Variants in ATG7 observed in about 807,000 individuals in gnomAD.
The protein encoded by ATG7 is autophagy related 7.
In ATG7, 70 loss-of-function variants were observed where a neutral mutation model predicts 82.4. That is an observed-to-expected ratio of 0.85 (90% CI 0.70 to 1.04). ATG7 has a LOEUF of 1.04. Ranked by LOEUF, ATG7 falls within the 50% of genes least tolerant of loss-of-function variation. The pLI, the probability that ATG7 is intolerant of heterozygous loss-of-function variation, is 0.00. For synonymous variants in ATG7, 287 were observed against 313.0 expected (o/e 0.92, Z 0.88); for missense variants, 792 against 864.3 (o/e 0.92, Z 1.05).
At chr3:11,476,895 G>T (rs374337018) in intron 20 of ATG7, among the ~76,000 whole-genome samples, 1 of 152,098 alleles carries the variant, frequency 6.6e-6, no homozygotes, top group African/African-American at 2.4e-5. Context: ...TGGATTAAAG[G>T]CTTCTTTTAA....
intron 20 of ATG7, among the ~76,000 whole-genome samples, chr3:11,444,936 C>T (rs1175353780): frequency 2.6e-5 from 4 of 151,996 alleles, no homozygotes; most frequent in Non-Finnish European, 5.9e-5. Context: ...ATACATGTGG[C>T]GAAAAAGCAT....
chr3:11,284,403 TC>T (rs1943591020), intron 3 of ATG7, among the ~76,000 whole-genome samples: 1 of 152,224 alleles, frequency 6.6e-6, no homozygotes, highest in South Asian at 2.1e-4. Context: ...GGAAATGATT[TC>T]TCATTTAGGC....
At chr3:11,388,736 C>CT (rs1187172748) in intron 19 of ATG7, among the ~76,000 whole-genome samples, 1 of 151,734 alleles carries the variant, frequency 6.6e-6, no homozygotes, top group South Asian at 2.1e-4. Flanking sequence ...CCCCTTCTTT[C>CT]TTTTTTTTAT....
intron 20 of ATG7, among the ~76,000 whole-genome samples, chr3:11,532,559 C>G (rs1380551408): frequency 2.0e-5 from 3 of 152,084 alleles, no homozygotes; most frequent in African/African-American, 7.2e-5. Flanking sequence ...CCTGTCCGTT[C>G]ATAAAATTCA....
At chr3:11,477,156 G>A in intron 20 of ATG7, 1 of 1,289,800 alleles carries the variant, frequency 7.8e-7, no homozygotes, top group Non-Finnish European at 1.0e-6. Context: ...CTTCGGCTCT[G>A]GATGAAGCAG....
intron 9 of ATG7, among the ~76,000 whole-genome samples, chr3:11,322,746 AT>A (rs1950373215): frequency 6.6e-6 from 1 of 151,996 alleles, no homozygotes; most frequent in South Asian, 2.1e-4. Flanking sequence ...TCCTCTCCTT[AT>A]CCCCTGTAGT....
At chr3:11,348,116 G>A in intron 14 of ATG7, 81 bp downstream of exon 14, 6 of 1,496,588 alleles carry the variant, frequency 4.0e-6, no homozygotes, top group Non-Finnish European at 5.4e-6. Context: ...TGGCATTGAA[G>A]AAAGAGAGTC....
intron 19 of ATG7, among the ~76,000 whole-genome samples, chr3:11,408,180 C>G (rs750709546): frequency 2.0e-5 from 3 of 152,192 alleles, no homozygotes; most frequent in African/African-American, 7.2e-5. Context: ...CTCTCAAGTT[C>G]AAAGTTCCAC....
At chr3:11,341,938 C>T (rs925607887) in intron 12 of ATG7, among the ~76,000 whole-genome samples, 197 bp from the exon 13 acceptor site, 6 of 152,156 alleles carry the variant, frequency 3.9e-5, no homozygotes, top group African/African-American at 7.2e-5. Context: ...GTGGCCCCCT[C>T]GTTGCAGAGG....
intron 19 of ATG7, among the ~76,000 whole-genome samples, chr3:11,396,789 A>C (rs2079321212): frequency 1.4e-5 from 2 of 142,956 alleles, no homozygotes; most frequent in Admixed American, 1.4e-4. Context: ...CTCCAAAAAA[A>C]AAAAAAAAGA....
At chr3:11,458,420 C>T (rs909985335) in intron 20 of ATG7, among the ~76,000 whole-genome samples, 24 of 152,214 alleles carry the variant, frequency 1.6e-4, no homozygotes, top group Middle Eastern at 3.4e-3. Flanking sequence ...CCCACCACCA[C>T]GCCCGGCTAA....
chr3:11,302,027 A>G (rs954225058), intron 5 of ATG7, among the ~76,000 whole-genome samples: 2 of 152,246 alleles, frequency 1.3e-5, no homozygotes, highest in African/African-American at 4.8e-5. Flanking sequence ...TGACTTTCAC[A>G]CAAATTGCTC....
chr3:11,557,084 G>C lies in ATG7; in HGVS notation c.*2241G>C, dbSNP rs924827471. ...CCACGTCACCTGGTCAGGTGCCATC[G>C]TCGTGAGCCTCTGGTGGGCCAGGTG... On this transcript the variant is annotated 3_prime_UTR_variant, in exon 21 of 21. Coordinates refer to ENST00000693202, the MANE Select transcript of ATG7 (RefSeq NM_001349232.2). 6.6e-6 allele frequency: 1 copy of C among 152,482 alleles called. No individual in the cohort carries two copies. Among genetic ancestry groups the C allele is most frequent in the African/African-American group, 2.4e-5 (1 of 41,430 alleles). The allele number at this position is 152,482 out of a possible 1,614,324, so 9.4% of individuals were successfully genotyped here.
intron 3 of ATG7, among the ~76,000 whole-genome samples, chr3:11,297,513 G>A (rs1268762192): frequency 1.3e-5 from 2 of 152,036 alleles, no homozygotes; most frequent in African/African-American, 4.8e-5. Flanking sequence ...CTCAAACTGG[G>A]GTATGTTACC....
At chr3:11,572,161 T>C in the ATG7 span, among the ~76,000 whole-genome samples, 1 of 152,186 alleles carries the variant, frequency 6.6e-6, no homozygotes, top group Non-Finnish European at 1.5e-5. Flanking sequence ...GTATCTTTAT[T>C]ATCATCAGCT....
chr3:11,294,112 AC>A (rs1945461786), intron 3 of ATG7, among the ~76,000 whole-genome samples: 1 of 151,976 alleles, frequency 6.6e-6, no homozygotes. Context: ...GTAGAAGAAA[AC>A]GCTAGCTGCA....
intron 19 of ATG7, among the ~76,000 whole-genome samples, chr3:11,410,760 ATAT>A (rs1214169702): frequency 6.6e-6 from 1 of 152,200 alleles, no homozygotes; most frequent in Non-Finnish European, 1.5e-5. Flanking sequence ...AGGTTGAATA[ATAT>A]TTCATTGTAT....
At chr3:11,541,391 GT>G (rs2070822133) in intron 20 of ATG7, among the ~76,000 whole-genome samples, 1 of 152,134 alleles carries the variant, frequency 6.6e-6, no homozygotes, top group Non-Finnish European at 1.5e-5. Flanking sequence ...GTGTTTGTGG[GT>G]CTGTTTCTAC....
intron 11 of ATG7, among the ~76,000 whole-genome samples, chr3:11,339,295 C>CA (rs1036935586): frequency 0.01 from 898 of 89,662 alleles, 13 homozygotes; most frequent in Middle Eastern, 0.034. Context: ...GACTCTGTTT[C>CA]AAAAAAAAAA....
Sources: allele counts gnomAD v4.1 joint callset (sites outside exome capture counted in the v4.1 genomes callset), GRCh38; gene constraint gnomAD v4.1.1; transcripts MANE v1.5; gene names NCBI Gene and HGNC (gene_info 2026-07-23, HGNC 2026-07-21).